The following VPS13D variants were observed in gnomAD, a reference collection of about 807,000 sequenced individuals.
VPS13D encodes intermembrane lipid transfer protein VPS13D.
In VPS13D, 187 loss-of-function variants were observed where a neutral mutation model predicts 461.9. The observed-to-expected ratio is 0.40, with a 90% confidence interval of 0.36 to 0.46. The LOEUF is 0.46. VPS13D is among the 20% of genes least tolerant of loss of function. The pLI is 0.60. For missense variants in VPS13D, 4,711 were observed against 5,364.9 expected, an observed-to-expected ratio of 0.88 and a Z score of 3.81; for synonymous variants, 1,951 against 1,986.3, an observed-to-expected ratio of 0.98 and a Z score of 0.47.
At chr1:12,266,114 A>G (rs1210460963) in intron 13 of VPS13D, among the ~76,000 whole-genome samples, 1 of 152,202 alleles carries the variant, frequency 6.6e-6, no homozygotes, top group African/African-American at 2.4e-5. Flanking sequence ...ACAGTGAGCT[A>G]TGATTGCACC....
rs776361165 is a variant in VPS13D, at chr1:12,507,004, C to T, written c.12946C>T (p.His4316Tyr). 8.7e-6 allele frequency: 14 copies of T among 1,614,146 alleles called. No homozygotes were observed. Among genetic ancestry groups the T allele is most frequent in the Non-Finnish European group, 1.2e-5 (14 of 1,180,060 alleles). The change falls in exon 69 of 70, where the codon CAT becomes TAT. Residue 4316 changes from histidine (H) to tyrosine (Y), a missense_variant. Transcript: ENST00000620676. This position sits in a 1 kb window ranked among gnomAD's most constrained non-coding sequence, Gnocchi z 5.3. ...DLYHCLVSKDHGKVYVQVTKK... is the reference protein window; with the variant it reads ...DLYHCLVSKDYGKVYVQVTKK... ...CTACCACTGCCTTGTCTCCAAAGAC[C>T]ATGGGAAGGTGTATGTGCAGGTGAC...
At chr1:12,428,766 T>G (rs1570152877) in intron 65 of VPS13D, among the ~76,000 whole-genome samples, 1 of 152,246 alleles carries the variant, frequency 6.6e-6, no homozygotes, top group African/African-American at 2.4e-5. Flanking sequence ...ATCTCTGATA[T>G]CCGTCAACAT....
At chr1:12,361,846 A>G (rs1643955580) in intron 50 of VPS13D, among the ~76,000 whole-genome samples, 1 of 152,036 alleles carries the variant, frequency 6.6e-6, no homozygotes, top group Admixed American at 6.6e-5. Flanking sequence ...AATTTTATAG[A>G]TGAATAAATT....
intron 65 of VPS13D, among the ~76,000 whole-genome samples, chr1:12,455,061 A>G (rs1254613636): frequency 1.3e-5 from 2 of 152,218 alleles, no homozygotes; most frequent in Non-Finnish European, 2.9e-5. Context: ...TTTCTGGTTA[A>G]AGTATGCCAG....
intron 67 of VPS13D, chr1:12,478,620 G>C (rs1645668113): frequency 2.8e-6 from 1 of 358,230 alleles, no homozygotes; most frequent in Admixed American, 3.5e-5. Context: ...AGGAAAGCCT[G>C]CACGTTTCTT....
intron 67 of VPS13D, among the ~76,000 whole-genome samples, chr1:12,488,306 A>G (rs1177222153): frequency 6.6e-6 from 1 of 152,216 alleles, no homozygotes; most frequent in Non-Finnish European, 1.5e-5. Flanking sequence ...CATTCTTCAT[A>G]TTTTATCTCA....
At chr1:12,388,101 G>A (rs542022768) in intron 60 of VPS13D, among the ~76,000 whole-genome samples, 1 of 152,270 alleles carries the variant, frequency 6.6e-6, no homozygotes, top group African/African-American at 2.4e-5. Flanking sequence ...GTAAGAGTGA[G>A]ATTCTTATCA....
intron 65 of VPS13D, among the ~76,000 whole-genome samples, chr1:12,432,684 T>G (rs1404644061): frequency 1.3e-5 from 2 of 151,824 alleles, no homozygotes; most frequent in Admixed American, 6.6e-5. Context: ...CAACCTCTGC[T>G]TCTTGGGTTC....
In VPS13D at chr1:12,295,067, CA is replaced by C. The variant is rs1272461956; in HGVS notation, c.6033+1364del. On this transcript the variant is annotated intron_variant, in intron 24 of 69. Transcript: ENST00000620676. The stretch of plus-strand genomic sequence containing the variant: ...TGGAATTCTGTCTCTACAAGAAATA[CA>C]GAAATTAGCCGGGTGTGGTGAGGCA... 3.4e-5 allele frequency among the ~76,000 whole-genome samples: 5 copies of C among 148,764 alleles called. No homozygotes were observed. The East Asian group carries it at 7.9e-4, about 24-fold the overall frequency.
Position 12,368,532 on chromosome 1 carries a change from A to G in VPS13D, c.10513A>G (p.Ile3505Val), listed in dbSNP as rs1242998055. ...TACTCTCCGAGGAGCTACGTATAGG[A>G]TCTCATTTAGTGACACAGATCAGTT... Reference protein sequence around the residue: ...EITLRGATYRISFSDTDQLPP... With the variant: ...EITLRGATYRVSFSDTDQLPP... The change falls in exon 53 of 70, where the codon ATC becomes GTC. Residue 3505 changes from isoleucine to valine, a missense_variant. Ile to Val is a conservative substitution (Grantham distance 29). Transcript: ENST00000620676. 6.2e-6 allele frequency: 10 copies of G among 1,613,978 alleles called. No homozygotes were observed. In the South Asian group the frequency reaches 1.1e-4, roughly 18 times the overall value.
chr1:12,442,047 A>C (rs1308570447), intron 65 of VPS13D, among the ~76,000 whole-genome samples: 1 of 152,004 alleles, frequency 6.6e-6, no homozygotes, highest in African/African-American at 2.4e-5. Context: ...TAAATAATTG[A>C]TATAATTTAG....
chr1:12,345,091 G>T, intron 42 of VPS13D: 1 of 291,424 alleles, frequency 3.4e-6, no homozygotes, highest in Non-Finnish European at 6.5e-6. Context: ...AGGGTTGGTG[G>T]GGGAAAGACC....
At chr1:12,411,041 A>G (rs773492189) in intron 63 of VPS13D, among the ~76,000 whole-genome samples, 124 of 152,212 alleles carry the variant, frequency 8.1e-4, no homozygotes, top group Non-Finnish European at 1.5e-3. Context: ...CTTTTTCTTG[A>G]GATAAAGGAA....
chr1:12,276,805 A>C lies in VPS13D; in HGVS notation c.3217A>C (p.Thr1073Pro). The change falls in exon 19 of 70, where the codon ACC becomes CCC. Residue 1073 changes from threonine (T) to proline (P), a missense_variant. Around this residue, in one of 3 missense-constraint regions of VPS13D, gnomAD observed 4,411 missense variants for 4,937.8 expected, o/e 0.89. Coordinates refer to ENST00000620676, the MANE Select transcript of VPS13D (RefSeq NM_015378.4). The surrounding 1 kb of genome is among the most constrained non-coding windows in gnomAD (Gnocchi z 4.5). ...ATSVSLDKIL[T>P]KEQESLIKLE... ...TAGTGTTTCACTTGACAAAATTCTTACCAAAGAGCAAGAGTCCCTTATTAA... is the reference window on the plus strand; with the variant it reads ...TAGTGTTTCACTTGACAAAATTCTTCCCAAAGAGCAAGAGTCCCTTATTAA... 6.2e-7 allele frequency: 1 copy of C among 1,614,192 alleles called. No individual in the cohort carries two copies. Among genetic ancestry groups the C allele is most frequent in the Non-Finnish European group, 8.5e-7 (1 of 1,180,026 alleles).
In VPS13D at chr1:12,257,070, G is replaced by C; in HGVS notation, c.924G>C (p.Lys308Asn). Residue 308 changes from lysine to asparagine, a missense_variant, in exon 9 of 70, where the codon AAG (lysine) becomes AAC (asparagine). Lys to Asn is a moderately conservative substitution (Grantham distance 94). Around this residue, in one of 3 missense-constraint regions of VPS13D, gnomAD observed 4,411 missense variants for 4,937.8 expected, o/e 0.89. Coordinates refer to ENST00000620676, the MANE Select transcript of VPS13D (RefSeq NM_015378.4). Reference protein sequence around the residue: ...RQVKFRRWKPKVAISKNCREW... With the variant: ...RQVKFRRWKPNVAISKNCREW... ...TGAAGTTCCGAAGGTGGAAACCCAA[G>C]GTGGCGATATCTAAGAAGTAAGGGC... 6.2e-7 allele frequency: 1 copy of C among 1,614,126 alleles called. No homozygotes were observed. The highest frequency in any genetic ancestry group is 8.5e-7 in the Non-Finnish European group (1 of 1,180,010).
At chr1:12,383,242 T>A (rs1644306328) in intron 58 of VPS13D, 87 bp downstream of exon 58, 2 of 1,325,944 alleles carry the variant, frequency 1.5e-6, no homozygotes, top group South Asian at 3.0e-5. Flanking sequence ...TTATTGAACA[T>A]GTTTATGCCA....
chr1:12,507,295 G>A lies in VPS13D; in HGVS notation c.13035+202G>A, dbSNP rs1432467266. 3.3e-6 allele frequency: 3 copies of A among 918,496 alleles called. No homozygotes were observed. In the African/African-American group the frequency reaches 4.9e-5, roughly 15 times the overall value. 56.9% of individuals were successfully genotyped at this position (918,496 alleles called of 1,614,324 possible). A position where few individuals can be genotyped will look rare whatever the true frequency, so the allele number is the denominator to read the frequency against. On this transcript the variant is annotated intron_variant, in intron 69 of 69. Transcript: ENST00000620676. This position sits in a 1 kb window ranked among gnomAD's most constrained non-coding sequence, Gnocchi z 5.3. Reference sequence around the variant, plus strand: ...TGCTGCCCTCCCAGCTGGCCCATGGGTGACCCTGGGAACATTAACTGCCTC... The same window carrying A: ...TGCTGCCCTCCCAGCTGGCCCATGGATGACCCTGGGAACATTAACTGCCTC...
intron 65 of VPS13D, among the ~76,000 whole-genome samples, chr1:12,423,367 G>T (rs1279683190): frequency 6.6e-6 from 1 of 152,062 alleles, no homozygotes; most frequent in African/African-American, 2.4e-5. Flanking sequence ...TTCTAGACAT[G>T]CCTCTATGTG....
Position 12,383,054 on chromosome 1 carries a change from C to T in VPS13D, c.11269C>T (p.Pro3757Ser), listed in dbSNP as rs772770830. 1.2e-6 allele frequency: 2 copies of T among 1,614,094 alleles called. No individual in the cohort carries two copies. Among genetic ancestry groups the T allele is most frequent in the Non-Finnish European group, 1.7e-6 (2 of 1,179,994 alleles). The change falls in exon 58 of 70, where the codon CCA (proline) becomes TCA (serine). Residue 3757 changes from proline to serine, a missense_variant. Transcript: ENST00000620676. ...GPDTSMELLGPVPPEQQFINQ... is the reference protein window; with the variant it reads ...GPDTSMELLGSVPPEQQFINQ... ...TGACACTTCCATGGAGCTTTTGGGG[C>T]CAGTTCCACCTGAACAACAATTTAT...
Sources: gnomAD v4.1 joint callset for allele counts (sites outside exome capture counted in the v4.1 genomes callset) on GRCh38, gnomAD v4.1.1 for gene constraint, gnomAD v4.1.1 regional missense constraint, Gnocchi (gnomAD v3.1) non-coding constraint, MANE v1.5 for transcripts, NCBI Gene and HGNC (gene_info 2026-07-23, HGNC 2026-07-21) for gene names.